USF3: variants seen among roughly 807,000 people sequenced by gnomAD.
USF3 encodes the protein upstream transcription factor family member 3.
USF3 carries 29 observed loss-of-function variants against 157.5 expected under a neutral mutation model. That is an observed-to-expected ratio of 0.18 (90% confidence interval 0.14 to 0.25). USF3 has a LOEUF of 0.25. Among genes scored for constraint, USF3 ranks in the 10% least tolerant of loss-of-function variants. USF3 has a pLI of 1.00. For synonymous variants in USF3, 893 were observed against 941.4 expected (o/e 0.95, Z 0.94); for missense variants, 2,381 against 2,667.6 (o/e 0.89, Z 2.37).
chr3:113,677,577 A>G (rs183867794), intron 1 of USF3, among the ~76,000 whole-genome samples, 180 bp from the exon 2 acceptor site: 5 of 152,250 alleles, frequency 3.3e-5, no homozygotes, highest in Admixed American at 2.0e-4. Context: ...TCACTTTCCT[A>G]TTGGTTACCG....
intron 6 of USF3, among the ~76,000 whole-genome samples, chr3:113,662,058 G>A (rs1200694201): frequency 1.3e-5 from 2 of 152,180 alleles, no homozygotes; most frequent in Non-Finnish European, 2.9e-5. Flanking sequence ...TGTTGGCCAG[G>A]CTGGTCTTGA....
intron 5 of USF3, among the ~76,000 whole-genome samples, chr3:113,666,612 C>T (rs1382679075): frequency 2.8e-5 from 4 of 142,228 alleles, no homozygotes; most frequent in Non-Finnish European, 6.1e-5. Flanking sequence ...TGCTCTGTCG[C>T]CCGGGCTGGA....
intron 4 of USF3, among the ~76,000 whole-genome samples, chr3:113,672,275 C>T (rs760393039): frequency 4.6e-5 from 7 of 152,026 alleles, no homozygotes; most frequent in African/African-American, 1.4e-4. Flanking sequence ...CAGGCACGCA[C>T]CACCATACCC....
In USF3 at chr3:113,657,236, T is replaced by C; in HGVS notation, c.4446A>G (p.Leu1482=). 1 of 1,610,906 alleles carries C rather than the reference T, an allele frequency of 6.2e-7. No individual in the cohort carries two copies. The highest frequency in any genetic ancestry group is 8.5e-7 in the Non-Finnish European group (1 of 1,179,424). The part of the protein sequence containing the change: ...QQQQQQQAGQ[L]RERHHLYQMQ... ...TTTGATATAAGTGATGCCTCTCTCT[T>C]AACTGCCCTGCTTGTTGTTGTTGCT... Residue 1482 remains leucine (L), a synonymous_variant, in exon 7 of 7, where the codon TTA becomes TTG. Coordinates refer to ENST00000316407, the MANE Select transcript of USF3 (RefSeq NM_001009899.4).
In USF3 at chr3:113,660,272, G is replaced by A; in HGVS notation, c.1410C>T (p.His470=). 1.2e-6 allele frequency: 2 copies of A among 1,614,136 alleles called. No individual in the cohort carries two copies. The highest frequency in any genetic ancestry group is 1.7e-6 in the Non-Finnish European group (2 of 1,179,980). ...TGATGTCTGTAGCCACATATCTACTGTGGTTGCTTGTGGTGGGGCTAGTAC... is the reference window on the plus strand; with the variant it reads ...TGATGTCTGTAGCCACATATCTACTATGGTTGCTTGTGGTGGGGCTAGTAC... ...ESGTSPTTSN[H]SRYVATDINL... The change falls in exon 7 of 7, where the codon CAC becomes CAT. Residue 470 remains histidine (H), a synonymous_variant. Coordinates refer to ENST00000316407, the MANE Select transcript of USF3 (RefSeq NM_001009899.4).
At chr3:113,670,654 T>C (rs1707133468) in intron 4 of USF3, among the ~76,000 whole-genome samples, 1 of 152,140 alleles carries the variant, frequency 6.6e-6, no homozygotes, top group Non-Finnish European at 1.5e-5. Context: ...GGGAAGGGCT[T>C]ATCAAACATT....
In USF3 at chr3:113,691,588, T is replaced by C. The variant is rs1707685260; in HGVS notation, c.-135+4782A>G. 1.3e-5 allele frequency among the ~76,000 whole-genome samples: 2 copies of C among 152,154 alleles called. 1 individual carries two copies. The highest frequency in any genetic ancestry group is 2.9e-5 in the Non-Finnish European group (2 of 68,022). ...CTGGGGTGGGCATGGGGCTAACTAA[T>C]AAGACTCCCTGCACAAGGAGAATAT... On this transcript the variant is annotated intron_variant, in intron 1 of 6. Coordinates refer to ENST00000316407, the MANE Select transcript of USF3 (RefSeq NM_001009899.4).
intron 3 of USF3, among the ~76,000 whole-genome samples, chr3:113,673,969 T>TACTCAAAA (rs1707220576): frequency 6.6e-6 from 1 of 152,194 alleles, no homozygotes; most frequent in Non-Finnish European, 1.5e-5. Context: ...TATACACAAT[T>TACTCAAAA]ACTCAAAACA....
chr3:113,648,700 CAG>C lies in USF3; in HGVS notation c.*6242_*6243del, dbSNP rs1947207361. On this transcript the variant is annotated 3_prime_UTR_variant, in exon 7 of 7. Transcript: ENST00000316407. ...CCAGGAGATTTACAGTAATAGGACA[CAG>C]TGTGCAGCAGACACTGCTGCCATGG... 1 of 152,516 alleles carries C rather than the reference CAG, an allele frequency of 6.6e-6. No homozygotes were observed. Among genetic ancestry groups the C allele is most frequent in the Non-Finnish European group, 1.5e-5 (1 of 68,020 alleles). The allele number at this position is 152,516 out of a possible 1,614,324, so 9.4% of individuals were successfully genotyped here.
rs1947390473 is a variant in USF3, at chr3:113,657,615, C to G, written c.4067G>C (p.Ser1356Thr). 6.2e-7 allele frequency: 1 copy of G among 1,614,072 alleles called. No homozygotes were observed. Among genetic ancestry groups the G allele is most frequent in the Non-Finnish European group, 8.5e-7 (1 of 1,180,050 alleles). Residue 1356 changes from serine (S) to threonine (T), a missense_variant, in exon 7 of 7, where the codon AGT becomes ACT. Physicochemically the swap from Ser to Thr is moderately conservative, Grantham distance 58. Around this residue, in one of 6 missense-constraint regions of USF3, gnomAD observed 1,435 missense variants for 1,550.9 expected, o/e 0.93. Transcript: ENST00000316407. ...HCQPAPLRLE[S>T]MSLMSRTPDT... ...TGGAGTTCTGCTCATCAGGGACATA[C>G]TTTCAAGCCTGAGGGGGGCTGGCTG...
At position 113,656,919 on chromosome 3, in the gene USF3, T is replaced by A. The variant is rs780937970; in HGVS notation, c.4763A>T (p.His1588Leu). 10 of 1,614,048 alleles carry A rather than the reference T, an allele frequency of 6.2e-6. No individual in the cohort carries two copies. Among genetic ancestry groups the A allele is most frequent in the African/African-American group, 2.7e-5 (2 of 74,930 alleles). ...GAGATGGTTCTGGGGATGGTTATGA[T>A]GGTTCCGACTAGTTGAAGGGTTTTC... ...SCENPSTSRN[H>L]HNHPQNHLNQ... Residue 1588 changes from histidine to leucine, a missense_variant, in exon 7 of 7, where the codon CAT becomes CTT. Physicochemically the swap from His to Leu is moderately conservative, Grantham distance 99. Transcript: ENST00000316407.
rs746367669 is a variant in USF3, at chr3:113,659,964, T to C, written c.1718A>G (p.Asn573Ser). 1.1e-5 allele frequency: 18 copies of C among 1,614,042 alleles called. No homozygotes were observed. Among genetic ancestry groups the C allele is most frequent in the African/African-American group, 4.0e-5 (3 of 74,908 alleles). Residue 573 changes from asparagine (N) to serine (S), a missense_variant, in exon 7 of 7, where the codon AAC becomes AGC. Physicochemically the swap from Asn to Ser is conservative, Grantham distance 46. Transcript: ENST00000316407. ...CPTVMRAEVS[N>S]QTVGQQIVII... ...TACTATCTGTTGACCTACTGTTTGG[T>C]TGGAAACTTCTGCCCTCATCACTGT...
Position 113,656,538 on chromosome 3 carries a change from T to C in USF3, c.5144A>G (p.His1715Arg). The C allele has an allele frequency of 1.2e-6, 2 of 1,614,250 alleles. No individual in the cohort carries two copies. The highest frequency in any genetic ancestry group is 1.1e-5 in the South Asian group (1 of 91,088). ...ATGGTCCACACGACCCTGCATATTATGAATAGCCAAACTCTTATTTCTGGG... is the reference window on the plus strand; with the variant it reads ...ATGGTCCACACGACCCTGCATATTACGAATAGCCAAACTCTTATTTCTGGG... ...DVPRNKSLAIHNMQGRVDHTV... is the reference protein window; with the variant it reads ...DVPRNKSLAIRNMQGRVDHTV... Residue 1715 changes from histidine (H) to arginine (R), a missense_variant, in exon 7 of 7, where the codon CAT becomes CGT. Around this residue, in one of 6 missense-constraint regions of USF3, gnomAD observed 770 missense variants for 824.2 expected, o/e 0.93. Coordinates refer to ENST00000316407, the MANE Select transcript of USF3 (RefSeq NM_001009899.4).
intron 4 of USF3, among the ~76,000 whole-genome samples, chr3:113,671,358 C>T (rs1707149401): frequency 6.6e-6 from 1 of 152,100 alleles, no homozygotes; most frequent in Non-Finnish European, 1.5e-5. Context: ...AGAAAGAGTA[C>T]TGGTTTGGTT....
In USF3 at chr3:113,656,112, T is replaced by C; in HGVS notation, c.5570A>G (p.Asn1857Ser). The C allele has an allele frequency of 1.2e-6, 2 of 1,614,162 alleles. No individual in the cohort carries two copies. The highest frequency in any genetic ancestry group is 1.6e-4 in the Middle Eastern group (1 of 6,062). The change falls in exon 7 of 7, where the codon AAT becomes AGT. Residue 1857 changes from asparagine (N) to serine (S), a missense_variant. By Grantham distance (46) the Asn-to-Ser change is conservative. This residue lies in a region of USF3 where 770 missense variants were observed against 824.2 expected (regional missense o/e 0.93). Transcript: ENST00000316407. ...QCGPSSAIEY[N>S]CPPTHENVHI... is the part of the protein sequence containing the mutation. ...GACATTTTCATGAGTTGGGGGACAA[T>C]TATATTCAATTGCAGAGGATGGACC...
intron 6 of USF3, 92 bp from the exon 7 acceptor site, chr3:113,661,517 C>A: frequency 1.5e-6 from 1 of 672,344 alleles, no homozygotes; most frequent in South Asian, 2.4e-5. Context: ...CTACTGAATT[C>A]TAATTCTAGC....
intron 6 of USF3, among the ~76,000 whole-genome samples, chr3:113,662,495 C>T (rs1947502042): frequency 1.3e-5 from 2 of 152,312 alleles, no homozygotes; most frequent in African/African-American, 4.8e-5. Context: ...TCCAGGCTAA[C>T]ACCCTGTGAG....
chr3:113,679,145 C>G (rs1416387983), intron 1 of USF3, among the ~76,000 whole-genome samples: 1 of 151,870 alleles, frequency 6.6e-6, no homozygotes, highest in African/African-American at 2.4e-5. Context: ...TTTTGAATGC[C>G]AAAGGATTAC....
Position 113,690,255 on chromosome 3 carries a change from T to A in USF3, c.-135+6115A>T, listed in dbSNP as rs373307489. On this transcript the variant is annotated intron_variant, in intron 1 of 6. Transcript: ENST00000316407. The stretch of plus-strand genomic sequence containing the variant: ...TTCATAATGTTCATCTCTTCCCCTT[T>A]GTTATGACCACCTTAGATTAGGCCC... Among the ~76,000 whole-genome samples the A allele has an allele frequency of 7.5e-4, 115 of 152,350 alleles. 1 individual carries two copies. The highest frequency in any genetic ancestry group is 2.6e-3 in the African/African-American group (107 of 41,578).
Sources: allele counts gnomAD v4.1 joint callset (sites outside exome capture counted in the v4.1 genomes callset), GRCh38; gene constraint gnomAD v4.1.1; regional missense constraint gnomAD v4.1.1; transcripts MANE v1.5; gene names NCBI Gene and HGNC (gene_info 2026-07-23, HGNC 2026-07-21).